CNIH3: variants seen among roughly 807,000 people sequenced by gnomAD.
The protein encoded by CNIH3 is protein cornichon homolog 3.
CNIH3 carries 14 observed loss-of-function variants against 24.1 expected under a neutral mutation model. That is an observed-to-expected ratio of 0.58 (90% CI 0.38 to 0.91). The LOEUF (loss-of-function observed/expected upper bound fraction) is 0.91, where lower values mean the gene tolerates loss of function less well. Ranked by LOEUF, CNIH3 falls within the 40% of genes least tolerant of loss-of-function variation. CNIH3 has a pLI of 0.00. For synonymous variants in CNIH3, 68 were observed against 73.8 expected, an observed-to-expected ratio of 0.92 and a Z score of 0.40; for missense variants, 178 against 196.8, an observed-to-expected ratio of 0.90 and a Z score of 0.57.
chr1:224,690,348 G>A lies in CNIH3; in HGVS notation c.198+5505G>A, dbSNP rs560505098. Among the ~76,000 whole-genome samples the A allele has an allele frequency of 6.6e-5, 10 of 152,234 alleles. No individual in the cohort carries two copies. The South Asian group carries it at 2.1e-3, about 32-fold the overall frequency. On this transcript the variant is annotated intron_variant, in intron 3 of 5. Transcript: ENST00000272133. ...CCTGAGTACCTGGGACTACAGGCAT[G>A]CACCACCATGCCTGGCTAATTTTTG...
At position 224,669,940 on chromosome 1, in the gene CNIH3, AAT is replaced by A. The variant is rs552007756; in HGVS notation, c.82-11017_82-11016del. ...AATGACACTGTTGTGCCTTTTACAC[AAT>A]GGCATTCCCCCCACCCCCACACCCA... On this transcript the variant is annotated intron_variant, in intron 1 of 5. Transcript: ENST00000272133. 5.5e-4 allele frequency among the ~76,000 whole-genome samples: 83 copies of A among 152,268 alleles called. 3 individuals are homozygous for A. The South Asian group carries it at 0.017, about 31-fold the overall frequency.
chr1:224,590,480 C>T (rs1681705159), downstream of CNIH3, among the ~76,000 whole-genome samples: 1 of 152,150 alleles, frequency 6.6e-6, no homozygotes, highest in South Asian at 2.1e-4. Context: ...TTATAAAGAA[C>T]AGAAGTTTAT....
rs145319269 is a variant in CNIH3, at chr1:224,704,714, G to T, written c.198+19871G>T. Among the ~76,000 whole-genome samples the T allele has an allele frequency of 5.9e-4, 90 of 152,162 alleles. No individual in the cohort carries two copies. The highest frequency in any genetic ancestry group is 3.4e-3 in the Middle Eastern group (1 of 294). On this transcript the variant is annotated intron_variant, in intron 3 of 5. Transcript: ENST00000272133. This position sits in a 1 kb window ranked among gnomAD's most constrained non-coding sequence, Gnocchi z 4.2. The stretch of plus-strand genomic sequence containing the variant: ...TACCATTGTCACACCAAAGAACATG[G>T]CTATAATATTGTCACCTAGTCATAG...
intron 3 of CNIH3, among the ~76,000 whole-genome samples, chr1:224,598,718 C>T (rs1682090459): frequency 6.6e-6 from 1 of 152,226 alleles, no homozygotes; most frequent in Non-Finnish European, 1.5e-5. Context: ...TTAAGACTTG[C>T]TGAAGGCTCA....
chr1:224,575,238 C>G lies in CNIH3; in HGVS notation n.517-7926C>G, dbSNP rs556602809. ...GGTGGTGATCCCCAAGTCTGTGACACCAGAATGCATTGCTGAGAACTTTAA... is the reference window on the plus strand; with the variant it reads ...GGTGGTGATCCCCAAGTCTGTGACAGCAGAATGCATTGCTGAGAACTTTAA... On this transcript the variant is annotated intron_variant and non_coding_transcript_variant, in intron 4 of 5. Transcript: ENST00000471578. 6 of 1,339,702 alleles carry G rather than the reference C, an allele frequency of 4.5e-6. 1 individual carries two copies. The Admixed American group carries it at 5.1e-5, about 11-fold the overall frequency. The allele number at this position is 1,339,702 out of a possible 1,614,324, so 83.0% of individuals were successfully genotyped here. A position where few individuals can be genotyped will look rare whatever the true frequency, so the allele number is the denominator to read the frequency against.
chr1:224,586,452 C>T (rs187030686), intron 5 of CNIH3, among the ~76,000 whole-genome samples: 3 of 152,266 alleles, frequency 2.0e-5, no homozygotes, highest in Non-Finnish European at 2.9e-5. Flanking sequence ...GACCTGCCCC[C>T]GTGATTCAAT....
intron 3 of CNIH3, among the ~76,000 whole-genome samples, chr1:224,558,541 G>A (rs554882499): frequency 9.9e-5 from 15 of 152,158 alleles, no homozygotes; most frequent in Non-Finnish European, 2.1e-4. Context: ...TGAAAAGTTG[G>A]TTGCTTTTTA....
intron 1 of CNIH3, among the ~76,000 whole-genome samples, chr1:224,635,920 C>A (rs191569349): frequency 1.2e-4 from 18 of 152,208 alleles, no homozygotes; most frequent in African/African-American, 4.3e-4. Flanking sequence ...CACTCCGTTG[C>A]CCACGTTGAT....
At chr1:224,560,786 A>G (rs1410476538) in intron 3 of CNIH3, among the ~76,000 whole-genome samples, 1 of 152,140 alleles carries the variant, frequency 6.6e-6, no homozygotes, top group Non-Finnish European at 1.5e-5. Flanking sequence ...CAATGTAATA[A>G]TAGAAATAAA....
At chr1:224,692,626 T>G (rs1316428249) in intron 3 of CNIH3, among the ~76,000 whole-genome samples, 1 of 152,222 alleles carries the variant, frequency 6.6e-6, no homozygotes, top group African/African-American at 2.4e-5. Flanking sequence ...TTTAAAAGTA[T>G]TAACTCCTTT....
chr1:224,723,747 G>A (rs1442801215), intron 3 of CNIH3, among the ~76,000 whole-genome samples: 4 of 152,210 alleles, frequency 2.6e-5, no homozygotes, highest in African/African-American at 9.7e-5. Context: ...TAGTGGCCCA[G>A]GCCCCAGTGG....
At chr1:224,695,647 A>G (rs1422484808) in intron 3 of CNIH3, among the ~76,000 whole-genome samples, 1 of 152,090 alleles carries the variant, frequency 6.6e-6, no homozygotes, top group Non-Finnish European at 1.5e-5. Context: ...AATTCCTCAC[A>G]TTCATAGGAG....
At chr1:224,598,069 C>A (rs1193801730) in intron 3 of CNIH3, among the ~76,000 whole-genome samples, 1 of 152,192 alleles carries the variant, frequency 6.6e-6, no homozygotes. Context: ...TTTTGCCATG[C>A]AGAAACTTCC....
chr1:224,729,412 C>CAAAAAA (rs1184318000), intron 3 of CNIH3, among the ~76,000 whole-genome samples: 1 of 44,592 alleles, frequency 2.2e-5, no homozygotes, highest in African/African-American at 8.8e-5. Flanking sequence ...ACTATGTCTC[C>CAAAAAA]AAAAAAAAAA....
chr1:224,593,501 C>G (rs1165732179), downstream of CNIH3, among the ~76,000 whole-genome samples: 2 of 152,086 alleles, frequency 1.3e-5, no homozygotes, highest in Non-Finnish European at 2.9e-5. Context: ...TCAAAGCTTC[C>G]CAACTAGCTT....
chr1:224,645,051 G>A (rs749807166), intron 1 of CNIH3, among the ~76,000 whole-genome samples: 99 of 152,344 alleles, frequency 6.5e-4, no homozygotes, highest in Non-Finnish European at 1.2e-3. Flanking sequence ...TGGGAGTGGC[G>A]AACAGTGTGA....
intron 1 of CNIH3, among the ~76,000 whole-genome samples, chr1:224,639,184 G>A (rs1478047900): frequency 6.6e-6 from 1 of 152,220 alleles, no homozygotes; most frequent in African/African-American, 2.4e-5. Context: ...TGACCTTTGA[G>A]CTCTCTCTTC....
intron 3 of CNIH3, among the ~76,000 whole-genome samples, chr1:224,719,852 A>G (rs1056250174): frequency 1.3e-5 from 2 of 152,208 alleles, no homozygotes; most frequent in African/African-American, 4.8e-5. Flanking sequence ...CTTTTCTTCA[A>G]AATATTAATT....
chr1:224,543,386 A>C (rs1004471897), intron 2 of CNIH3, among the ~76,000 whole-genome samples: 1 of 152,144 alleles, frequency 6.6e-6, no homozygotes, highest in Non-Finnish European at 1.5e-5. Context: ...TGCGTACTTT[A>C]GTTCACGGGA....
Sources: allele counts gnomAD v4.1 joint callset (sites outside exome capture counted in the v4.1 genomes callset), GRCh38; gene constraint gnomAD v4.1.1; non-coding constraint Gnocchi (gnomAD v3.1); transcripts MANE v1.5; gene names NCBI Gene and HGNC (gene_info 2026-07-23, HGNC 2026-07-21).